The following PKP1 variants were observed in gnomAD, a reference collection of about 807,000 sequenced individuals.
PKP1 encodes the protein plakophilin 1.
PKP1 carries 27 observed loss-of-function variants against 76.4 expected under a neutral mutation model. The observed-to-expected ratio is 0.35, with a 90% CI of 0.26 to 0.49. The LOEUF (loss-of-function observed/expected upper bound fraction) is 0.49. PKP1 is among the 20% of genes least tolerant of loss of function. The pLI is 0.99. For missense variants in PKP1, 964 were observed against 955.2 expected (o/e 1.01, Z -0.12); for synonymous variants, 404 against 384.2 (o/e 1.05, Z -0.60).
intron 3 of PKP1, among the ~76,000 whole-genome samples, chr1:201,315,271 T>C (rs573482416): frequency 6.6e-6 from 1 of 152,324 alleles, no homozygotes; most frequent in South Asian, 2.1e-4. Flanking sequence ...CAGGGTGACA[T>C]TCTCTCAATG....
intron 2 of PKP1, among the ~76,000 whole-genome samples, chr1:201,299,969 G>A (rs1361962344): frequency 6.6e-6 from 1 of 152,224 alleles, no homozygotes; most frequent in Non-Finnish European, 1.5e-5. Flanking sequence ...GTAGACCACA[G>A]CCTCCTACTC....
At position 201,328,803 on chromosome 1, in the gene PKP1, C is replaced by T; in HGVS notation, c.2148C>T (p.Ala716=). Residue 716 remains alanine, a synonymous_variant, in exon 13 of 14, where the codon GCC becomes GCT. Coordinates refer to ENST00000367324, the MANE Select transcript of PKP1 (RefSeq NM_001005337.3). ...ACATGCTGGGAACCTTAGCTGGGGC[C>T]AACAGCCTCAGGAACTTCACCTCCC... ...DRNMLGTLAG[A]NSLRNFTSRF is the part of the protein sequence containing the mutation. 1 of 1,614,146 alleles carries T rather than the reference C, an allele frequency of 6.2e-7. No homozygotes were observed. The highest frequency in any genetic ancestry group is 8.5e-7 in the Non-Finnish European group (1 of 1,179,990).
chr1:201,331,045 GA>G lies in PKP1; in HGVS notation c.*1005del, dbSNP rs1657306988. The G allele has an allele frequency of 6.6e-6, 1 of 152,132 alleles. No individual in the cohort carries two copies. Among genetic ancestry groups the G allele is most frequent in the East Asian group, 1.9e-4 (1 of 5,178 alleles). The allele number at this position is 152,132 out of a possible 1,614,324, so 9.4% of individuals were successfully genotyped here. On this transcript the variant is annotated 3_prime_UTR_variant, in exon 14 of 14. Coordinates refer to ENST00000367324, the MANE Select transcript of PKP1 (RefSeq NM_001005337.3). ...GGCTGGTCTTCATATTCCCAGTGGA[GA>G]GGGGAACAAGTGGGGCTGGGCATAT...
chr1:201,321,325 A>G (rs1656932269), intron 7 of PKP1, among the ~76,000 whole-genome samples: 2 of 152,066 alleles, frequency 1.3e-5, no homozygotes, highest in African/African-American at 4.8e-5. Context: ...AGGGCCAAAC[A>G]TCATTAGGAG....
At chr1:201,317,874 G>A in intron 5 of PKP1, 95 bp downstream of exon 5, 1 of 1,196,182 alleles carries the variant, frequency 8.4e-7, no homozygotes, top group East Asian at 2.5e-5. Flanking sequence ...TCTCCAGGCT[G>A]GGCCAAGACA....
chr1:201,292,720 G>A (rs1000876770), intron 1 of PKP1, among the ~76,000 whole-genome samples: 3 of 152,206 alleles, frequency 2.0e-5, no homozygotes, highest in Non-Finnish European at 2.9e-5. Context: ...CAGGGTTTCC[G>A]ATGGGGGAGT....
chr1:201,324,373 G>A, intron 9 of PKP1, 55 bp from the exon 10 acceptor site: 2 of 1,554,124 alleles, frequency 1.3e-6, no homozygotes, highest in Non-Finnish European at 1.8e-6. Context: ...CTTTCTGCCT[G>A]CCATGGTGCC....
At chr1:201,311,962 C>G (rs986113148) in intron 2 of PKP1, among the ~76,000 whole-genome samples, 1 of 152,366 alleles carries the variant, frequency 6.6e-6, no homozygotes, top group Non-Finnish European at 1.5e-5. Context: ...CCCAAGGAGG[C>G]CGACTCCCCA....
chr1:201,327,982 G>T (rs1262893006), intron 12 of PKP1, among the ~76,000 whole-genome samples: 1 of 152,204 alleles, frequency 6.6e-6, no homozygotes, highest in Admixed American at 6.5e-5. Flanking sequence ...CATGCCCAAA[G>T]ACAGGAGGGG....
intron 2 of PKP1, among the ~76,000 whole-genome samples, chr1:201,297,602 G>A (rs1467549836): frequency 2.6e-5 from 4 of 152,196 alleles, no homozygotes; most frequent in East Asian, 3.8e-4. Context: ...CTCTGACCTC[G>A]TAACTCCTAA....
intron 2 of PKP1, among the ~76,000 whole-genome samples, chr1:201,307,145 G>A (rs1656395139): frequency 6.6e-6 from 1 of 152,182 alleles, no homozygotes; most frequent in Admixed American, 6.5e-5. Context: ...TGGTCTCGGG[G>A]TGCTGGTGAT....
Position 201,318,632 on chromosome 1 carries a change from C to T in PKP1, c.1069C>T (p.Leu357=). 1 of 1,612,212 alleles carries T rather than the reference C, an allele frequency of 6.2e-7. No individual in the cohort carries two copies. The highest frequency in any genetic ancestry group is 1.1e-5 in the South Asian group (1 of 90,992). The change falls in exon 6 of 14, where the codon CTG becomes TTG. Residue 357 remains leucine (L), a synonymous_variant. Transcript: ENST00000367324. ...QKQLTGLLWN[L]SSTDELKEEL... ...CTGACCCCCAGGGCTGCTCTGGAAC[C>T]TGTCTTCCACTGACGAGCTGAAGGA...
At chr1:201,328,378 G>A (rs917254871) in intron 12 of PKP1, 1 of 345,038 alleles carries the variant, frequency 2.9e-6, no homozygotes, top group Non-Finnish European at 5.6e-6. Flanking sequence ...AAGAGCTCTT[G>A]TCAGAATTGT....
chr1:201,327,774 T>A (rs1657192790), intron 12 of PKP1, among the ~76,000 whole-genome samples: 1 of 151,876 alleles, frequency 6.6e-6, no homozygotes, highest in Non-Finnish European at 1.5e-5. Flanking sequence ...GTGCGTCTGT[T>A]CCCAAAGGGC....
chr1:201,325,247 C>A, intron 11 of PKP1, 120 bp downstream of exon 11: 3 of 1,040,852 alleles, frequency 2.9e-6, no homozygotes, highest in South Asian at 1.3e-5. Context: ...GCAGGGGGAG[C>A]CAGGGACGGG....
At chr1:201,314,806 T>G (rs1220588207) in intron 3 of PKP1, among the ~76,000 whole-genome samples, 1 of 152,272 alleles carries the variant, frequency 6.6e-6, no homozygotes, top group Non-Finnish European at 1.5e-5. Context: ...ACAGCCATGA[T>G]AGGGACAACC....
Position 201,325,642 on chromosome 1 carries a change from T to TCTGAGGCCTCCC in PKP1, c.2022-108_2022-97dup, listed in dbSNP as rs1279394714. 3.6e-6 allele frequency: 3 copies of TCTGAGGCCTCCC among 826,406 alleles called. No homozygotes were observed. The African/African-American group carries it at 5.0e-5, about 14-fold the overall frequency. 51.2% of individuals were successfully genotyped at this position (826,406 alleles called of 1,614,324 possible). On this transcript the variant is annotated intron_variant, in intron 11 of 13. Transcript: ENST00000367324. ...TCTCTTTTGCACACCTGAGGCCTCC[T>TCTGAGGCCTCCC]CTGAGGCCTCCCCTGTGTCCAGGCC...
At chr1:201,321,927 G>A (rs765795886) in intron 7 of PKP1, 51 bp from the exon 8 acceptor site, 3 of 1,609,054 alleles carry the variant, frequency 1.9e-6, no homozygotes, top group Non-Finnish European at 2.6e-6. Context: ...TAGGCCAGGA[G>A]CCTGTCGGGC....
chr1:201,320,121 A>C, intron 6 of PKP1, 146 bp from the exon 7 acceptor site: 1 of 698,648 alleles, frequency 1.4e-6, no homozygotes, highest in Non-Finnish European at 2.6e-6. Context: ...ACAACTTCCA[A>C]TCTCCACCCC....
Sources: allele counts gnomAD v4.1 joint callset (sites outside exome capture counted in the v4.1 genomes callset), GRCh38; gene constraint gnomAD v4.1.1; transcripts MANE v1.5; gene names NCBI Gene and HGNC (gene_info 2026-07-23, HGNC 2026-07-21).